The following GADL1 variants were observed in gnomAD, a reference collection of about 807,000 sequenced individuals.
The protein encoded by GADL1 is GAD like acidic amino acid decarboxylase 1.
GADL1 carries 71 observed loss-of-function variants against 69.5 expected under a neutral mutation model. The observed-to-expected ratio is 1.02, with a 90% CI of 0.84 to 1.25. The LOEUF is 1.25. GADL1 is among the 50% of genes most tolerant of loss of function. The pLI, the probability that GADL1 is intolerant of heterozygous loss-of-function variation, is 0.00. For missense variants in GADL1, 737 were observed against 631.8 expected (o/e 1.17, Z -1.79); for synonymous variants, 254 against 214.4 (o/e 1.18, Z -1.62).
chr3:30,815,855 A>G (rs1228069554), intron 11 of GADL1, among the ~76,000 whole-genome samples: 1 of 152,120 alleles, frequency 6.6e-6, no homozygotes, highest in East Asian at 1.9e-4. Context: ...AGGCACACAT[A>G]AGCTGTGTGG....
At chr3:30,855,682 C>T (rs1698219366) in intron 3 of GADL1, among the ~76,000 whole-genome samples, 1 of 151,890 alleles carries the variant, frequency 6.6e-6, no homozygotes, top group South Asian at 2.1e-4. Flanking sequence ...CACCATACAC[C>T]CGGCTAACTG....
At chr3:30,832,152 A>G (rs2220850) in intron 11 of GADL1, among the ~76,000 whole-genome samples, 15,338 of 151,742 alleles carry the variant, frequency 0.1, 1,852 homozygotes, top group East Asian at 0.32. Context: ...GCCACATCTC[A>G]TATCTCATGG....
intron 8 of GADL1, 79 bp downstream of exon 8, chr3:30,844,131 A>C: frequency 3.4e-4 from 324 of 958,632 alleles, no homozygotes; most frequent in Non-Finnish European, 4.8e-4. Flanking sequence ...TCTCCTTGCT[A>C]TTCCCTCTCT....
At chr3:30,872,662 T>C (rs1234998011) in intron 1 of GADL1, among the ~76,000 whole-genome samples, 1 of 151,944 alleles carries the variant, frequency 6.6e-6, no homozygotes, top group African/African-American at 2.4e-5. Context: ...ATCTCCAAGT[T>C]CTAAGTTTTC....
chr3:30,790,749 ATATATT>A (rs1424341881), intron 12 of GADL1, among the ~76,000 whole-genome samples: 58 of 152,312 alleles, frequency 3.8e-4, no homozygotes, highest in African/African-American at 1.3e-3. Context: ...ATATGTGCAC[ATATATT>A]TATATGTACT....
At chr3:30,748,685 C>G (rs1475369895) in intron 14 of GADL1, among the ~76,000 whole-genome samples, 1 of 152,172 alleles carries the variant, frequency 6.6e-6, no homozygotes, top group Non-Finnish European at 1.5e-5. Flanking sequence ...ACCAACAGCA[C>G]CTATTTCACA....
chr3:30,894,433 A>G, intron 1 of GADL1, 145 bp downstream of exon 1: 1 of 566,068 alleles, frequency 1.8e-6, no homozygotes, highest in Non-Finnish European at 3.1e-6. Flanking sequence ...CGGAGAAAAA[A>G]TCCATGAAGA....
chr3:30,824,895 T>A (rs574866229), intron 11 of GADL1, among the ~76,000 whole-genome samples: 70 of 152,030 alleles, frequency 4.6e-4, no homozygotes, highest in Non-Finnish European at 7.7e-4. Flanking sequence ...AAGCTGTTCA[T>A]TTATTTTATG....
intron 1 of GADL1, among the ~76,000 whole-genome samples, chr3:30,884,274 C>G (rs1698677140): frequency 6.6e-6 from 1 of 151,984 alleles, no homozygotes; most frequent in Non-Finnish European, 1.5e-5. Flanking sequence ...AGGAAGATGC[C>G]TTCCCTGAGA....
chr3:30,769,711 G>GT (rs1696372837), intron 14 of GADL1, among the ~76,000 whole-genome samples: 1 of 152,192 alleles, frequency 6.6e-6, no homozygotes, highest in Admixed American at 6.5e-5. Flanking sequence ...TCTAAACTGT[G>GT]TTGCCACATT....
intron 13 of GADL1, among the ~76,000 whole-genome samples, chr3:30,783,062 A>C (rs1196933647): frequency 6.6e-6 from 1 of 152,240 alleles, no homozygotes; most frequent in Non-Finnish European, 1.5e-5. Context: ...CTCTGCAAAT[A>C]GGAAGTATTC....
chr3:30,752,853 GT>G (rs1559487555), intron 14 of GADL1, among the ~76,000 whole-genome samples: 15 of 151,720 alleles, frequency 9.9e-5, no homozygotes, highest in Non-Finnish European at 2.1e-4. Flanking sequence ...AGATAATTAA[GT>G]TCTCAAATAA....
At chr3:30,775,152 G>A (rs917152791) in intron 14 of GADL1, among the ~76,000 whole-genome samples, 13 of 152,158 alleles carry the variant, frequency 8.5e-5, no homozygotes, top group African/African-American at 2.9e-4. Context: ...ATAGTCTCAC[G>A]TACGTGCACA....
At chr3:30,760,069 A>C (rs1377699928) in intron 14 of GADL1, among the ~76,000 whole-genome samples, 1 of 152,218 alleles carries the variant, frequency 6.6e-6, no homozygotes, top group Non-Finnish European at 1.5e-5. Context: ...ATATCACTAA[A>C]GTTTTGTGAT....
At chr3:30,844,290 C>T (rs779025924) in intron 7 of GADL1, 26 bp from the exon 8 acceptor site, 3 of 1,603,636 alleles carry the variant, frequency 1.9e-6, no homozygotes, top group South Asian at 2.2e-5. Context: ...TTGAGACTTT[C>T]AGTTATGTTT....
chr3:30,888,220 G>A (rs534370898), intron 1 of GADL1, among the ~76,000 whole-genome samples: 175 of 152,216 alleles, frequency 1.1e-3, no homozygotes, highest in African/African-American at 4.1e-3. Flanking sequence ...ATCAAAATCA[G>A]GATGCTGGTT....
Sources: allele counts gnomAD v4.1 joint callset (sites outside exome capture counted in the v4.1 genomes callset), GRCh38; gene constraint gnomAD v4.1.1; transcripts MANE v1.5; gene names NCBI Gene and HGNC (gene_info 2026-07-23, HGNC 2026-07-21).